WFS1: variants seen among roughly 807,000 people sequenced by gnomAD.
WFS1 encodes wolframin ER transmembrane glycoprotein.
WFS1 carries 90 observed loss-of-function variants against 68.5 expected under a neutral mutation model. The ratio of observed to expected loss-of-function variants is 1.31; its 90% CI spans 1.11 to 1.56. The LOEUF is 1.56. WFS1 is among the 40% of genes most tolerant of loss of function. The pLI, the probability that WFS1 is intolerant of heterozygous loss-of-function variation, is 0.00. For synonymous variants in WFS1, 860 were observed against 540.7 expected, an observed-to-expected ratio of 1.59 and a Z score of -8.19; for missense variants, 1,767 against 1,232.6, an observed-to-expected ratio of 1.43 and a Z score of -6.49.
intron 1 of WFS1, among the ~76,000 whole-genome samples, chr4:6,275,274 G>A (rs1364151382): frequency 2.0e-5 from 3 of 152,204 alleles, no homozygotes; most frequent in East Asian, 3.9e-4. Context: ...AGGTAGACAA[G>A]GCCACGTGTC....
At chr4:6,288,198 C>T (rs1560408036) in intron 3 of WFS1, among the ~76,000 whole-genome samples, 1 of 136,956 alleles carries the variant, frequency 7.3e-6, no homozygotes, top group Admixed American at 8.0e-5. Context: ...AACTGAGCAA[C>T]AGAGCAAGAC....
chr4:6,296,234 G>C (rs912297469), intron 7 of WFS1, among the ~76,000 whole-genome samples: 3 of 152,200 alleles, frequency 2.0e-5, no homozygotes, highest in African/African-American at 7.2e-5. Flanking sequence ...GGAAGAGCAG[G>C]AACCCAGGTG....
chr4:6,300,149 AC>A (rs1730823143), intron 7 of WFS1, among the ~76,000 whole-genome samples: 2 of 151,914 alleles, frequency 1.3e-5, no homozygotes, highest in Non-Finnish European at 2.9e-5. Context: ...TTGCTCTGCC[AC>A]CCCTCCGGGG....
chr4:6,279,357 C>T lies in WFS1; in HGVS notation c.232+1670C>T, dbSNP rs374310434. On this transcript the variant is annotated intron_variant, in intron 2 of 7. Transcript: ENST00000226760. ...TAGCCCACTTGCCTCTTTAACAGCC[C>T]TGGGAGGCAGGCTCTGCTGCTGCCC... Among the ~76,000 whole-genome samples the T allele has an allele frequency of 3.9e-4, 59 of 152,358 alleles. No homozygotes were observed. In the South Asian group the frequency reaches 5.4e-3, roughly 14 times the overall value.
chr4:6,299,858 CGTGTGTGTAGGGGTGGGCTGCATGT>C lies in WFS1; in HGVS notation c.862-781_862-757del, dbSNP rs1336388113. On this transcript the variant is annotated intron_variant, in intron 7 of 7. Transcript: ENST00000226760. ...TGTATAGGGGTGGGTTGTGTGAATG[CGTGTGTGTAGGGGTGGGCTGCATGT>C]GTGTGTGTAGGGGTGGGTTGTGTGT... Among the ~76,000 whole-genome samples the C allele has an allele frequency of 5.8e-3, 446 of 76,380 alleles. 12 individuals are homozygous for C. The highest frequency in any genetic ancestry group is 1.9e-3 in the Non-Finnish European group (83 of 42,650). The allele number at this position is 76,380 out of a possible 152,430, so 50.1% of individuals were successfully genotyped here.
intron 1 of WFS1, among the ~76,000 whole-genome samples, chr4:6,273,674 T>C (rs1295719727): frequency 6.6e-6 from 1 of 152,244 alleles, no homozygotes; most frequent in African/African-American, 2.4e-5. Context: ...GGCTGTAACA[T>C]GCAGGAAGAC....
chr4:6,293,819 ACT>A (rs1275368509), intron 6 of WFS1, among the ~76,000 whole-genome samples: 5 of 151,850 alleles, frequency 3.3e-5, no homozygotes, highest in Non-Finnish European at 5.9e-5. Flanking sequence ...ATTGGTGACC[ACT>A]CTCGTGTGTC....
chr4:6,270,650 C>A (rs1173120293), intron 1 of WFS1, among the ~76,000 whole-genome samples: 4 of 152,218 alleles, frequency 2.6e-5, no homozygotes, highest in Admixed American at 6.5e-5. Context: ...CGTATGAACT[C>A]CACCCTCTGG....
intron 1 of WFS1, among the ~76,000 whole-genome samples, chr4:6,274,488 A>G (rs1729934395): frequency 6.6e-6 from 1 of 152,100 alleles, no homozygotes; most frequent in African/African-American, 2.4e-5. Context: ...GCCACTAGTA[A>G]GGGTAACCGA....
Position 6,287,013 on chromosome 4 carries a change from C to G in WFS1, c.233-80C>G, listed in dbSNP as rs531272297. On this transcript the variant is annotated intron_variant, in intron 2 of 7. Transcript: ENST00000226760. The surrounding 1 kb of genome is among the most constrained non-coding windows in gnomAD (Gnocchi z 6.4). Reference sequence around the variant, plus strand: ...ACAAGCAGCAGCAGATCTGAAGACCCTCATGCCTTGTCCCCTCCATCCTGA... The same window carrying G: ...ACAAGCAGCAGCAGATCTGAAGACCGTCATGCCTTGTCCCCTCCATCCTGA... 1.1e-5 allele frequency: 14 copies of G among 1,285,692 alleles called. No individual in the cohort carries two copies. Among genetic ancestry groups the G allele is most frequent in the Non-Finnish European group, 1.4e-5 (13 of 905,432 alleles). The allele number at this position is 1,285,692 out of a possible 1,614,324, so 79.6% of individuals were successfully genotyped here.
intron 7 of WFS1, 28 bp downstream of exon 7, chr4:6,295,217 G>T: frequency 6.2e-7 from 1 of 1,609,834 alleles, no homozygotes; most frequent in South Asian, 1.1e-5. Context: ...CGGTCAGGCC[G>T]GAGCCTGCCT....
intron 3 of WFS1, 41 bp from the exon 4 acceptor site, chr4:6,288,946 G>A: frequency 6.3e-7 from 1 of 1,598,440 alleles, no homozygotes; most frequent in Non-Finnish European, 8.5e-7. Flanking sequence ...GGGTGGGAGA[G>A]GGTCGGAGAA....
chr4:6,300,599 G>C (rs1392333608), intron 7 of WFS1, 58 bp from the exon 8 acceptor site: 1 of 1,611,070 alleles, frequency 6.2e-7, no homozygotes, highest in Non-Finnish European at 8.5e-7. Flanking sequence ...GGAGGCGTGA[G>C]ATGGGAGCAG....
Position 6,291,981 on chromosome 4 carries a change from C to G in WFS1, c.696C>G (p.Arg232=). 1 of 1,608,800 alleles carries G rather than the reference C, an allele frequency of 6.2e-7. No individual in the cohort carries two copies. The highest frequency in any genetic ancestry group is 8.5e-7 in the Non-Finnish European group (1 of 1,178,556). The change falls in exon 6 of 8, where the codon CGC becomes CGG. Residue 232 remains arginine (R), a synonymous_variant. Transcript: ENST00000226760. Reference sequence around the variant, plus strand: ...AGAAGCAGAGGCGCATGCTGGAGCGCCTGGTCAGCAGCGAGTGTGAGTGCA... The same window carrying G: ...AGAAGCAGAGGCGCATGCTGGAGCGGCTGGTCAGCAGCGAGTGTGAGTGCA... ...SLQKQRRMLE[R]LVSSESKNYI...
At chr4:6,276,018 T>C (rs542677154) in intron 1 of WFS1, among the ~76,000 whole-genome samples, 2 of 152,302 alleles carry the variant, frequency 1.3e-5, no homozygotes, top group South Asian at 4.1e-4. Context: ...ACACAGCTGG[T>C]GGGCACAGAG....
At position 6,300,715 on chromosome 4, in the gene WFS1, C is replaced by T. The variant is rs371645500; in HGVS notation, c.920C>T (p.Ala307Val). ...ATCAAGGAGTACCTGATTGACATGGCCTCCAGGGCAGGCATGCACTGGCTG... is the reference window on the plus strand; with the variant it reads ...ATCAAGGAGTACCTGATTGACATGGTCTCCAGGGCAGGCATGCACTGGCTG... The part of the protein sequence containing the change: ...MEIKEYLIDM[A>V]SRAGMHWLST... The change falls in exon 8 of 8, where the codon GCC (alanine) becomes GTC (valine). Residue 307 changes from alanine (A) to valine (V), a missense_variant. Coordinates refer to ENST00000226760, the MANE Select transcript of WFS1 (RefSeq NM_006005.3). 4 of 1,613,938 alleles carry T rather than the reference C, an allele frequency of 2.5e-6. No individual in the cohort carries two copies. Among genetic ancestry groups the T allele is most frequent in the East Asian group, 2.2e-5 (1 of 44,886 alleles).
chr4:6,285,607 C>T (rs1026634510), intron 2 of WFS1, among the ~76,000 whole-genome samples: 2 of 152,232 alleles, frequency 1.3e-5, no homozygotes, highest in Non-Finnish European at 2.9e-5. Flanking sequence ...CCTCCCTCTG[C>T]CCTCTCCAAA....
Position 6,277,580 on chromosome 4 carries a change from G to A in WFS1, c.125G>A (p.Arg42Gln), listed in dbSNP as rs750806151. 1.1e-5 allele frequency: 17 copies of A among 1,583,128 alleles called. No homozygotes were observed. The highest frequency in any genetic ancestry group is 1.7e-4 in the Middle Eastern group (1 of 6,044). ...SLEQERSERP[R>Q]APGPQAGPGP... ...GAGCAGGAGAGGAGCGAAAGGCCCC[G>A]AGCACCCGGACCCCAGGCTGGCCCT... The change falls in exon 2 of 8, where the codon CGA becomes CAA. Residue 42 changes from arginine to glutamine, a missense_variant. Physicochemically the swap from Arg to Gln is conservative, Grantham distance 43. Coordinates refer to ENST00000226760, the MANE Select transcript of WFS1 (RefSeq NM_006005.3).
intron 7 of WFS1, among the ~76,000 whole-genome samples, chr4:6,299,017 A>C (rs954683241): frequency 6.6e-6 from 1 of 152,214 alleles, no homozygotes; most frequent in Non-Finnish European, 1.5e-5. Flanking sequence ...CTAGGCGTCC[A>C]CTTCCTGGTG....
Sources: gnomAD v4.1 joint callset for allele counts (sites outside exome capture counted in the v4.1 genomes callset) on GRCh38, gnomAD v4.1.1 for gene constraint, Gnocchi (gnomAD v3.1) non-coding constraint, MANE v1.5 for transcripts, NCBI Gene and HGNC (gene_info 2026-07-23, HGNC 2026-07-21) for gene names.